Variants in PATL1 observed in about 807,000 individuals in gnomAD.
The protein encoded by PATL1 is protein PAT1 homolog 1.
PATL1 carries 32 observed loss-of-function variants against 100.6 expected under a neutral mutation model. The observed-to-expected ratio is 0.32, with a 90% CI of 0.24 to 0.43. The LOEUF (loss-of-function observed/expected upper bound fraction) is 0.43. PATL1 is among the 20% of genes least tolerant of loss of function. The pLI, the probability that PATL1 is intolerant of heterozygous loss-of-function variation, is 1.00. For missense variants in PATL1, 747 were observed against 949.9 expected, an observed-to-expected ratio of 0.79 and a Z score of 2.81; for synonymous variants, 332 against 330.0, an observed-to-expected ratio of 1.01 and a Z score of -0.07.
chr11:59,652,625 C>G (rs774925900), intron 10 of PATL1, 38 bp from the exon 11 acceptor site: 1 of 1,605,422 alleles, frequency 6.2e-7, no homozygotes, highest in Admixed American at 1.7e-5. Context: ...AACACAAGCA[C>G]AGAACACGAC....
chr11:59,662,697 T>C (rs564230616), intron 2 of PATL1, among the ~76,000 whole-genome samples: 119 of 152,318 alleles, frequency 7.8e-4, no homozygotes, highest in African/African-American at 2.4e-3. Context: ...ATTGAGGGAT[T>C]TGTAAAAACA....
Position 59,651,651 on chromosome 11 carries a change from CA to C in PATL1, c.1427-11del, listed in dbSNP as rs747703894. The C allele has an allele frequency of 0.17, 185,217 of 1,066,514 alleles. 7 individuals are homozygous for C. Among genetic ancestry groups the C allele is most frequent in the South Asian group, 0.24 (12,959 of 54,980 alleles). The allele number at this position is 1,066,514 out of a possible 1,614,324, so 66.1% of individuals were successfully genotyped here. On this transcript the variant is annotated splice_polypyrimidine_tract_variant and intron_variant, in intron 11 of 18. Transcript: ENST00000300146. ...GAGCCCTCAAATTGCACTGCAAAGA[CA>C]AAAAAAAAAAAAATTCCAACAAAAT...
At chr11:59,653,436 T>G (rs1333973773) in intron 9 of PATL1, among the ~76,000 whole-genome samples, 1 of 152,204 alleles carries the variant, frequency 6.6e-6, no homozygotes, top group Non-Finnish European at 1.5e-5. Flanking sequence ...CATAAATTGT[T>G]TTAACTCATT....
At chr11:59,641,762 A>AT (rs1339589807) in intron 16 of PATL1, among the ~76,000 whole-genome samples, 1 of 152,114 alleles carries the variant, frequency 6.6e-6, no homozygotes, top group Non-Finnish European at 1.5e-5. Context: ...AAAAAAAAAA[A>AT]ATCCCTTTTC....
At chr11:59,653,956 C>T in intron 9 of PATL1, 27 bp downstream of exon 9, 2 of 1,568,436 alleles carry the variant, frequency 1.3e-6, no homozygotes, top group Non-Finnish European at 1.8e-6. Context: ...AATTAAGAAG[C>T]CATAAAGGAA....
intron 15 of PATL1, among the ~76,000 whole-genome samples, chr11:59,643,499 A>G (rs74640489): frequency 0.017 from 2,565 of 151,878 alleles, 72 homozygotes; most frequent in African/African-American, 0.057. Context: ...ACTTCAGGCC[A>G]GGAGTTCAAG....
Position 59,639,326 on chromosome 11 carries a change from C to T in PATL1, c.2107G>A (p.Asp703Asn). 1 of 1,551,338 alleles carries T rather than the reference C, an allele frequency of 6.4e-7. No homozygotes were observed. Among genetic ancestry groups the T allele is most frequent in the Non-Finnish European group, 8.7e-7 (1 of 1,147,134 alleles). The part of the protein sequence containing the change: ...LSRGEDLQSS[D>N]PATESTQNNQ... The stretch of plus-strand genomic sequence containing the variant: ...TTTTGTGTTGATTCTGTAGCAGGGT[C>T]TGAACTCTGTAGGTCTTCACCACGG... The change falls in exon 17 of 19, where the codon GAC becomes AAC. Residue 703 changes from aspartate (D) to asparagine (N), a missense_variant. Physicochemically the swap from Asp to Asn is conservative, Grantham distance 23 (BLOSUM62 1). Transcript: ENST00000300146.
rs748019832 is a variant in PATL1, at chr11:59,652,064, C to CA, written c.1426+399dup. ...TGGACAACAGAGTAAGGCTCTTTCT[C>CA]AAAAAAAAAAAAAAAAAAAAAAAAA... On this transcript the variant is annotated intron_variant, in intron 11 of 18. Coordinates refer to ENST00000300146, the MANE Select transcript of PATL1 (RefSeq NM_152716.3). Among the ~76,000 whole-genome samples the CA allele has an allele frequency of 8.3e-3, 440 of 52,974 alleles. 47 individuals carry two copies. Among genetic ancestry groups the CA allele is most frequent in the African/African-American group, 0.019 (265 of 14,050 alleles). The allele number at this position is 52,974 out of a possible 152,430, so 34.8% of individuals were successfully genotyped here.
At chr11:59,650,127 G>GAAA (rs755879524) in intron 13 of PATL1, among the ~76,000 whole-genome samples, 8 of 61,636 alleles carry the variant, frequency 1.3e-4, no homozygotes, top group Non-Finnish European at 1.6e-4. Context: ...ATCTCAAAAG[G>GAAA]AAAAAAAAAA....
intron 4 of PATL1, among the ~76,000 whole-genome samples, chr11:59,658,061 G>A (rs1861562695): frequency 6.6e-6 from 1 of 151,924 alleles, no homozygotes; most frequent in Non-Finnish European, 1.5e-5. Flanking sequence ...CTACTCAAGA[G>A]GCCGAGGTGG....
chr11:59,641,678 A>C (rs1861282594), intron 16 of PATL1, among the ~76,000 whole-genome samples: 1 of 152,006 alleles, frequency 6.6e-6, no homozygotes, highest in African/African-American at 2.4e-5. Context: ...GCTTGAGCCC[A>C]GGAGGCAGAG....
chr11:59,649,686 A>G (rs903470088), intron 13 of PATL1, 76 bp from the exon 14 acceptor site: 1 of 1,413,090 alleles, frequency 7.1e-7, no homozygotes. Context: ...TTCACAGTTT[A>G]GGACTACTAG....
chr11:59,652,707 G>A (rs989590265), intron 10 of PATL1, 120 bp from the exon 11 acceptor site: 21 of 1,511,332 alleles, frequency 1.4e-5, no homozygotes, highest in Non-Finnish European at 1.9e-5. Flanking sequence ...TACTGATAGT[G>A]AATAGTGCAA....
At chr11:59,666,478 C>T (rs550187044) in intron 2 of PATL1, among the ~76,000 whole-genome samples, 3 of 152,264 alleles carry the variant, frequency 2.0e-5, no homozygotes, top group South Asian at 4.2e-4. Context: ...TACTAGTACA[C>T]TAGTTTTCCA....
At chr11:59,665,230 G>T (rs1281504580) in intron 2 of PATL1, among the ~76,000 whole-genome samples, 1 of 152,190 alleles carries the variant, frequency 6.6e-6, no homozygotes, top group East Asian at 1.9e-4. Context: ...TTTAATAAAT[G>T]TATTAGGTCA....
intron 2 of PATL1, among the ~76,000 whole-genome samples, chr11:59,660,001 T>C (rs1208758260): frequency 6.6e-6 from 1 of 152,182 alleles, no homozygotes; most frequent in Non-Finnish European, 1.5e-5. Context: ...AATTCAAACA[T>C]GTGAATTAAT....
chr11:59,658,312 T>C (rs376824232), intron 4 of PATL1, among the ~76,000 whole-genome samples: 3 of 151,898 alleles, frequency 2.0e-5, no homozygotes, highest in African/African-American at 4.8e-5. Context: ...TAGTTTTGCA[T>C]AGAAATGAGT....
intron 14 of PATL1, among the ~76,000 whole-genome samples, chr11:59,649,232 A>G (rs573129237): frequency 6.6e-6 from 1 of 152,334 alleles, no homozygotes; most frequent in South Asian, 2.1e-4. Flanking sequence ...AGCAGATACT[A>G]TGTATTTGTT....
rs1325423247 is a variant in PATL1 at position 59,656,055 on chromosome 11, A to G, written c.724-10T>C. 3.3e-6 allele frequency: 2 copies of G among 597,522 alleles called. No homozygotes were observed. Among genetic ancestry groups the G allele is most frequent in the South Asian group, 5.1e-5 (1 of 19,784 alleles). The allele number at this position is 597,522 out of a possible 1,614,324, so 37.0% of individuals were successfully genotyped here. On this transcript the variant is annotated splice_polypyrimidine_tract_variant and intron_variant, in intron 6 of 18. Transcript: ENST00000300146. ...CCAGGAGGGAAGAGTTCTAAGGTAA[A>G]AAAAAAAAAAAAAAAAAGAATATGC...
Sources: allele counts gnomAD v4.1 joint callset (sites outside exome capture counted in the v4.1 genomes callset), GRCh38; gene constraint gnomAD v4.1.1; transcripts MANE v1.5; gene names NCBI Gene and HGNC (gene_info 2026-07-23, HGNC 2026-07-21).